SHTN1: variants seen among roughly 807,000 people sequenced by gnomAD.
SHTN1 encodes the protein shootin-1.
In SHTN1, 42 loss-of-function variants were observed where a neutral mutation model predicts 83.1. The observed-to-expected ratio is 0.51, with a 90% CI of 0.39 to 0.65. The LOEUF (loss-of-function observed/expected upper bound fraction) is 0.65. Ranked by LOEUF, SHTN1 falls within the 30% of genes least tolerant of loss-of-function variation. The pLI, the probability that SHTN1 is intolerant of heterozygous loss-of-function variation, is 0.00. For synonymous variants in SHTN1, 224 were observed against 247.7 expected (o/e 0.90, Z 0.90); for missense variants, 622 against 737.8 (o/e 0.84, Z 1.82).
intron 1 of SHTN1, among the ~76,000 whole-genome samples, chr10:117,059,945 C>T (rs190878426): frequency 1.8e-4 from 27 of 152,154 alleles, no homozygotes; most frequent in African/African-American, 5.8e-4. Context: ...GTGTGATGGC[C>T]GACGCCTGTA....
chr10:116,923,640 C>CG (rs1012444296), intron 11 of SHTN1, among the ~76,000 whole-genome samples: 1 of 152,006 alleles, frequency 6.6e-6, no homozygotes, highest in African/African-American at 2.4e-5. Context: ...ATTGCAGCTC[C>CG]GATCTCCTGC....
At chr10:116,921,121 TC>T (rs1848549210) in intron 12 of SHTN1, among the ~76,000 whole-genome samples, 4 of 152,192 alleles carry the variant, frequency 2.6e-5, no homozygotes, top group Non-Finnish European at 5.9e-5. Flanking sequence ...TGCTACCAAC[TC>T]TAAGAAGTCT....
chr10:116,964,128 G>A (rs1850307327), intron 3 of SHTN1, among the ~76,000 whole-genome samples: 1 of 152,176 alleles, frequency 6.6e-6, no homozygotes. Context: ...GAAGGCCTAA[G>A]CTCGCCTGTG....
intron 1 of SHTN1, among the ~76,000 whole-genome samples, chr10:117,056,827 C>CAAAACAAAATAAAAACA (rs1852832645): frequency 6.6e-6 from 1 of 151,970 alleles, no homozygotes; most frequent in Non-Finnish European, 1.5e-5. Context: ...AACAAACAAA[C>CAAAACAAAATAAAAACA]AAAACAAAAT....
intron 13 of SHTN1, among the ~76,000 whole-genome samples, chr10:116,913,008 T>A (rs968015486): frequency 1.3e-5 from 2 of 152,192 alleles, no homozygotes; most frequent in African/African-American, 4.8e-5. Flanking sequence ...ATGCCCTTAG[T>A]GCCAGTCCAT....
At chr10:117,011,228 G>C (rs1415526737) in intron 2 of SHTN1, among the ~76,000 whole-genome samples, 1 of 152,200 alleles carries the variant, frequency 6.6e-6, no homozygotes, top group Non-Finnish European at 1.5e-5. Flanking sequence ...GCTGAATTTA[G>C]CTCTTAAGTT....
In SHTN1 at chr10:117,073,138, G is replaced by A. The variant is rs537408776; in HGVS notation, c.-188-24628C>T. On this transcript the variant is annotated intron_variant, in intron 1 of 17. Coordinates refer to the SHTN1 transcript ENST00000392901. ...TTCAGAGCTCAAAGACAAGGTCTTC[G>A]AATTAACCCAATCCAACAAAGACAA... is the stretch of plus-strand genomic sequence containing the variant. Among the ~76,000 whole-genome samples the A allele has an allele frequency of 7.5e-4, 114 of 152,192 alleles. 2 individuals carry two copies. The South Asian group carries it at 0.022, about 30-fold the overall frequency.
intron 2 of SHTN1, among the ~76,000 whole-genome samples, chr10:117,026,856 C>T (rs752719465): frequency 1.3e-5 from 2 of 152,186 alleles, no homozygotes; most frequent in Non-Finnish European, 2.9e-5. Context: ...TTGCCACCTG[C>T]TGATTGTAGA....
At chr10:116,945,190 G>C (rs972153053) in intron 7 of SHTN1, among the ~76,000 whole-genome samples, 172 bp from the exon 8 acceptor site, 1 of 152,146 alleles carries the variant, frequency 6.6e-6, no homozygotes, top group Non-Finnish European at 1.5e-5. Flanking sequence ...ACTTGGCAAC[G>C]TGAATCAAAA....
At chr10:117,024,135 C>T (rs149976947) in intron 2 of SHTN1, among the ~76,000 whole-genome samples, 18 of 152,074 alleles carry the variant, frequency 1.2e-4, no homozygotes, top group South Asian at 1.0e-3. Flanking sequence ...TGAATGGAAG[C>T]GGCCTTACAC....
intron 16 of SHTN1, chr10:116,900,569 T>C (rs1389932046): frequency 2.5e-5 from 39 of 1,534,616 alleles, no homozygotes; most frequent in Non-Finnish European, 3.3e-5. Flanking sequence ...GAGAAAAATC[T>C]ATACACACAC....
intron 9 of SHTN1, among the ~76,000 whole-genome samples, chr10:116,931,798 G>T (rs1485702788): frequency 6.6e-6 from 1 of 152,126 alleles, no homozygotes; most frequent in East Asian, 1.9e-4. Context: ...AGAAAGTTCA[G>T]CTATGCACCA....
At chr10:117,088,442 T>C (rs1002120367) in intron 1 of SHTN1, among the ~76,000 whole-genome samples, 2 of 152,206 alleles carry the variant, frequency 1.3e-5, no homozygotes, top group African/African-American at 4.8e-5. Context: ...CATTTCCCTT[T>C]AAGGACATTT....
At chr10:116,960,952 G>A (rs1850163849) in intron 3 of SHTN1, among the ~76,000 whole-genome samples, 3 of 152,118 alleles carry the variant, frequency 2.0e-5, no homozygotes, top group South Asian at 2.1e-4. Context: ...GACAGCTGGT[G>A]CATGTAAATT....
At chr10:117,106,840 G>A (rs1021177455) in intron 1 of SHTN1, among the ~76,000 whole-genome samples, 2 of 152,128 alleles carry the variant, frequency 1.3e-5, no homozygotes, top group African/African-American at 4.8e-5. Flanking sequence ...TCACAAGATA[G>A]TGGGTGCCTA....
At chr10:117,100,217 T>C (rs557073217) in intron 1 of SHTN1, among the ~76,000 whole-genome samples, 1 of 152,212 alleles carries the variant, frequency 6.6e-6, no homozygotes, top group South Asian at 2.1e-4. Flanking sequence ...AGTAAATACA[T>C]GTAAAGCATC....
chr10:117,051,641 A>G (rs1240543419), intron 1 of SHTN1, among the ~76,000 whole-genome samples: 1 of 152,064 alleles, frequency 6.6e-6, no homozygotes, highest in Non-Finnish European at 1.5e-5. Context: ...ATACCACATT[A>G]GTAGAATAGA....
intron 1 of SHTN1, among the ~76,000 whole-genome samples, chr10:117,002,941 A>G (rs1028179820): frequency 2.6e-5 from 4 of 152,186 alleles, no homozygotes; most frequent in African/African-American, 7.2e-5. Flanking sequence ...TTCCAATACA[A>G]TGCAATAGGA....
In SHTN1 at chr10:117,082,822, G is replaced by A. The variant is rs1461889489; in HGVS notation, c.-188-34312C>T. ...TCTTTGTCTCTTTTGATCTTTGTTG[G>A]TTTAAAGTCTGTCTTATCAGAGACT... On this transcript the variant is annotated intron_variant, in intron 1 of 17. Transcript: ENST00000392901. Among the ~76,000 whole-genome samples, 5 of 151,750 alleles carry A rather than the reference G, an allele frequency of 3.3e-5. No individual in the cohort carries two copies. The South Asian group carries it at 8.5e-4, about 26-fold the overall frequency.
Sources: gnomAD v4.1 joint callset for allele counts (sites outside exome capture counted in the v4.1 genomes callset) on GRCh38, gnomAD v4.1.1 for gene constraint, MANE v1.5 for transcripts, NCBI Gene and HGNC (gene_info 2026-07-23, HGNC 2026-07-21) for gene names.